The following NRG1 variants were observed in gnomAD, a reference collection of about 807,000 sequenced individuals.
The protein encoded by NRG1 is neuregulin 1.
NRG1 carries 18 observed loss-of-function variants against 63.8 expected under a neutral mutation model. The ratio of observed to expected loss-of-function variants is 0.28; its 90% CI spans 0.19 to 0.42. NRG1 has a LOEUF of 0.42. Ranked by LOEUF, NRG1 falls within the 10% of genes least tolerant of loss-of-function variation. NRG1 has a pLI of 1.00. For missense variants in NRG1, 762 were observed against 814.7 expected (o/e 0.94, Z 0.79); for synonymous variants, 302 against 301.3 (o/e 1.00, Z -0.02).
At chr8:31,758,953 G>A (rs1448325145) in intron 1 of NRG1, among the ~76,000 whole-genome samples, 1 of 152,032 alleles carries the variant, frequency 6.6e-6, no homozygotes, top group Non-Finnish European at 1.5e-5. Flanking sequence ...TATGTTAAAG[G>A]GTGTGTAGTA....
intron 1 of NRG1, among the ~76,000 whole-genome samples, chr8:32,540,563 GA>G (rs2129520765): frequency 6.6e-6 from 1 of 152,298 alleles, no homozygotes; most frequent in South Asian, 2.1e-4. Flanking sequence ...CAGGTGTACT[GA>G]AATAATTTTT....
At chr8:31,845,521 T>C (rs1007176957) in intron 1 of NRG1, among the ~76,000 whole-genome samples, 3 of 152,182 alleles carry the variant, frequency 2.0e-5, no homozygotes, top group African/African-American at 7.2e-5. Context: ...GGTTGTAGCC[T>C]GGTTTTGAAT....
intron 3 of NRG1, among the ~76,000 whole-genome samples, chr8:32,608,083 G>GTTTTTTTTTTTTT (rs372730003): frequency 1.0e-5 from 1 of 99,330 alleles, no homozygotes; most frequent in African/African-American, 4.4e-5. Context: ...ATGAACCCAG[G>GTTTTTTTTTTTTT]TTTTTTTTGT....
chr8:32,536,421 A>G (rs1265917787), intron 1 of NRG1, among the ~76,000 whole-genome samples: 1 of 152,180 alleles, frequency 6.6e-6, no homozygotes, highest in Admixed American at 6.5e-5. Context: ...TCTCTTCAGG[A>G]AAGGTTCACT....
downstream of NRG1, among the ~76,000 whole-genome samples, chr8:32,772,726 G>A (rs1831892243): frequency 6.6e-6 from 1 of 151,978 alleles, no homozygotes; most frequent in Admixed American, 6.6e-5. Context: ...TCAGAGGAAG[G>A]GGCTTCCTTG....
chr8:32,205,864 C>A (rs746617351), intron 1 of NRG1, among the ~76,000 whole-genome samples: 1 of 150,432 alleles, frequency 6.6e-6, no homozygotes, highest in Non-Finnish European at 1.5e-5. Context: ...AAGTGGGAGG[C>A]TTAGGCAGGT....
intron 1 of NRG1, among the ~76,000 whole-genome samples, chr8:31,759,813 T>G: frequency 6.6e-6 from 1 of 152,168 alleles, no homozygotes; most frequent in East Asian, 1.9e-4. Context: ...TTAATATGTT[T>G]ACAACATTTA....
At chr8:32,385,206 T>G (rs1674389576) in intron 1 of NRG1, among the ~76,000 whole-genome samples, 1 of 152,024 alleles carries the variant, frequency 6.6e-6, no homozygotes, top group African/African-American at 2.4e-5. Flanking sequence ...TTCTCTATTT[T>G]TAGTAGAGAC....
At chr8:32,485,880 A>G (rs1225309739) in intron 1 of NRG1, among the ~76,000 whole-genome samples, 3 of 152,190 alleles carry the variant, frequency 2.0e-5, no homozygotes, top group Non-Finnish European at 4.4e-5. Flanking sequence ...CCTTGAATAA[A>G]TGAGCCTTGC....
intron 1 of NRG1, among the ~76,000 whole-genome samples, chr8:32,171,059 T>C (rs1325801131): frequency 6.6e-6 from 1 of 152,154 alleles, no homozygotes; most frequent in Admixed American, 6.5e-5. Flanking sequence ...ACTTCCTGTG[T>C]GTCTAGCTTG....
At chr8:32,622,548 G>A (rs549030626) in intron 5 of NRG1, among the ~76,000 whole-genome samples, 11 of 151,908 alleles carry the variant, frequency 7.2e-5, no homozygotes, top group East Asian at 5.8e-4. Context: ...GACTACATGC[G>A]TGTGCCACCA....
chr8:31,870,013 G>C (rs1829339415), intron 1 of NRG1, among the ~76,000 whole-genome samples: 1 of 152,154 alleles, frequency 6.6e-6, no homozygotes, highest in South Asian at 2.1e-4. Flanking sequence ...AAATTTGTCA[G>C]AAAATAAGTG....
intron 1 of NRG1, among the ~76,000 whole-genome samples, chr8:32,327,979 G>A (rs919452250): frequency 2.6e-5 from 4 of 152,168 alleles, no homozygotes; most frequent in African/African-American, 9.7e-5. Flanking sequence ...GGGTTTTGGG[G>A]AAACCAGTTA....
Position 32,759,520 on chromosome 8 carries a change from A to G in NRG1, c.1052+84A>G, listed in dbSNP as rs1183650862. 5 of 1,506,822 alleles carry G rather than the reference A, an allele frequency of 3.3e-6. No homozygotes were observed. In the Admixed American group the frequency reaches 5.7e-5, roughly 17 times the overall value. The allele number at this position is 1,506,822 out of a possible 1,614,324, so 93.3% of individuals were successfully genotyped here. A position where few individuals can be genotyped will look rare whatever the true frequency, so the allele number is the denominator to read the frequency against. The stretch of plus-strand genomic sequence containing the variant: ...TTTTGATATCCCTGCCTAAGAAAGG[A>G]GGCAGTGAAATGGATGGTCTTTGGG... On this transcript the variant is annotated intron_variant, in intron 10 of 11. Coordinates refer to ENST00000356819, the Ensembl canonical transcript of NRG1.
intron 7 of NRG1, chr8:32,749,446 C>T (rs1053410810): frequency 2.0e-5 from 21 of 1,042,878 alleles, no homozygotes; most frequent in Admixed American, 7.1e-5. Flanking sequence ...GTTCAATGTG[C>T]ATGCACAGAG....
At chr8:32,484,310 AAAAG>A (rs929755590) in intron 1 of NRG1, among the ~76,000 whole-genome samples, 90 of 152,310 alleles carry the variant, frequency 5.9e-4, no homozygotes, top group African/African-American at 2.0e-3. Flanking sequence ...AGTGGGCAGA[AAAAG>A]AAATAGACAA....
chr8:32,663,962 T>C (rs577898815), intron 5 of NRG1, among the ~76,000 whole-genome samples: 2 of 152,322 alleles, frequency 1.3e-5, no homozygotes, highest in African/African-American at 4.8e-5. Context: ...CTCCTTAGTC[T>C]CTATTCCAGC....
At chr8:31,663,269 A>T (rs565752392) in intron 1 of NRG1, among the ~76,000 whole-genome samples, 98 of 152,328 alleles carry the variant, frequency 6.4e-4, no homozygotes, top group African/African-American at 1.8e-3. Context: ...TTACCAAAAA[A>T]GTTCTGGATT....
At chr8:32,736,611 A>G (rs1002830996) in intron 6 of NRG1, among the ~76,000 whole-genome samples, 2 of 152,238 alleles carry the variant, frequency 1.3e-5, no homozygotes, top group Non-Finnish European at 2.9e-5. Flanking sequence ...AAGCAGACAG[A>G]TAATAGGGAC....
Sources: gnomAD v4.1 joint callset for allele counts (sites outside exome capture counted in the v4.1 genomes callset) on GRCh38, gnomAD v4.1.1 for gene constraint, MANE v1.5 for transcripts, NCBI Gene and HGNC (gene_info 2026-07-23, HGNC 2026-07-21) for gene names.